The following MLH3 variants were observed in gnomAD, a reference collection of about 807,000 sequenced individuals.
The protein encoded by MLH3 is DNA mismatch repair protein Mlh3.
A neutral mutation model predicts 122.2 loss-of-function variants in MLH3; 82 were observed. The ratio of observed to expected loss-of-function variants is 0.67; its 90% CI spans 0.56 to 0.81. The LOEUF (loss-of-function observed/expected upper bound fraction) is 0.81. MLH3 is among the 30% of genes least tolerant of loss of function. The probability of loss-of-function intolerance (pLI) is 0.00; values close to 1 mark genes in which losing one functional copy is unlikely to be tolerated. For synonymous variants in MLH3, 524 were observed against 599.5 expected (o/e 0.87, Z 1.84); for missense variants, 1,539 against 1,714.5 (o/e 0.90, Z 1.81).
intron 7 of MLH3, among the ~76,000 whole-genome samples, chr14:75,032,767 TAA>T (rs1891136209): frequency 6.7e-6 from 1 of 149,722 alleles, no homozygotes; most frequent in Non-Finnish European, 1.5e-5. Context: ...GCCACAGGAG[TAA>T]AGACTTTCCT....
At chr14:75,019,036 T>C (rs1026328197) in intron 11 of MLH3, 56 bp from the exon 12 acceptor site, 1 of 1,503,630 alleles carries the variant, frequency 6.7e-7, no homozygotes, top group Admixed American at 1.7e-5. Flanking sequence ...AAACCAATGC[T>C]GACCTTGGGT....
intron 5 of MLH3, among the ~76,000 whole-genome samples, chr14:75,039,422 G>C (rs1033057541): frequency 2.0e-5 from 3 of 152,138 alleles, no homozygotes; most frequent in African/African-American, 4.8e-5. Flanking sequence ...AGGCAAAATA[G>C]AAAAGCAGAT....
intron 9 of MLH3, among the ~76,000 whole-genome samples, chr14:75,025,405 C>T (rs1024533479): frequency 6.6e-6 from 1 of 152,176 alleles, no homozygotes; most frequent in Non-Finnish European, 1.5e-5. Flanking sequence ...CCGTTATTGA[C>T]CATTCCCTCC....
intron 11 of MLH3, among the ~76,000 whole-genome samples, chr14:75,021,236 A>G (rs1208410432): frequency 3.3e-5 from 5 of 152,266 alleles, no homozygotes; most frequent in Admixed American, 1.3e-4. Flanking sequence ...TTCTGGACGT[A>G]GGCCTTGGCA....
Position 75,039,847 on chromosome 14 carries a change from AT to A in MLH3, c.3570+63del. 8.8e-4 allele frequency: 8 copies of A among 9,048 alleles called. 3 individuals carry two copies. The highest frequency in any genetic ancestry group is 1.4e-3 in the Non-Finnish European group (8 of 5,598). The allele number at this position is 9,048 out of a possible 1,614,324, so 0.6% of individuals were successfully genotyped here. A position where few individuals can be genotyped will look rare whatever the true frequency, so the allele number is the denominator to read the frequency against. Reference sequence around the variant, plus strand: ...AATCAAATTTTAGAAGAGTTAGGCCATATATATATATATATATATATATATA... The same window carrying A: ...AATCAAATTTTAGAAGAGTTAGGCCAATATATATATATATATATATATATA... On this transcript the variant is annotated intron_variant, in intron 5 of 12. Transcript: ENST00000355774.
At chr14:75,039,876 T>C (rs926901234) in intron 5 of MLH3, 35 bp downstream of exon 5, 5 of 528,426 alleles carry the variant, frequency 9.5e-6, no homozygotes, top group South Asian at 5.6e-5. Flanking sequence ...TATATATATA[T>C]ATATATTTAT....
Position 75,048,385 on chromosome 14 carries a change from C to A in MLH3, c.1271G>T (p.Ser424Ile). 6.2e-7 allele frequency: 1 copy of A among 1,611,456 alleles called. No individual in the cohort carries two copies. Among genetic ancestry groups the A allele is most frequent in the South Asian group, 1.1e-5 (1 of 90,318 alleles). ...TCTGGTAGCTTCTGAATCCCTAGAA[C>A]TCTGTGTGTTTACGTTTTCTGCAGT... ...KTTAENVNTQ[S>I]SRDSEATRKN... Residue 424 changes from serine (S) to isoleucine (I), a missense_variant, in exon 2 of 13, where the codon AGT becomes ATT. Coordinates refer to ENST00000355774, the MANE Select transcript of MLH3 (RefSeq NM_001040108.2).
intron 4 of MLH3, among the ~76,000 whole-genome samples, chr14:75,041,314 C>G (rs1295718308): frequency 1.3e-5 from 2 of 152,116 alleles, no homozygotes; most frequent in Non-Finnish European, 2.9e-5. Context: ...CTTTGGGAGG[C>G]TGAGGCGGGC....
At chr14:75,026,833 TC>T (rs1297736134) in intron 9 of MLH3, among the ~76,000 whole-genome samples, 1 of 152,130 alleles carries the variant, frequency 6.6e-6, no homozygotes, top group African/African-American at 2.4e-5. Flanking sequence ...GTGCAGTGGC[TC>T]ACACCTGTAA....
At chr14:75,035,986 C>T (rs553911822) in intron 6 of MLH3, among the ~76,000 whole-genome samples, 3 of 152,350 alleles carry the variant, frequency 2.0e-5, no homozygotes, top group Admixed American at 2.0e-4. Context: ...ACAGCTCTCA[C>T]TTGCTAAAAT....
rs370032737 is a variant in MLH3 at position 75,033,548 on chromosome 14, G to A, written c.3644-58C>T. On this transcript the variant is annotated intron_variant, in intron 6 of 12. Coordinates refer to ENST00000355774, the MANE Select transcript of MLH3 (RefSeq NM_001040108.2). ...CAGAGCAAGACGACAACCATCATGT[G>A]TGTTGAGGACAGAGAAGACTTAATT... 23 of 1,331,098 alleles carry A rather than the reference G, an allele frequency of 1.7e-5. No individual in the cohort carries two copies. The African/African-American group carries it at 2.9e-4, about 17-fold the overall frequency. 82.5% of individuals were successfully genotyped at this position (1,331,098 alleles called of 1,614,324 possible). A position where few individuals can be genotyped will look rare whatever the true frequency, so the allele number is the denominator to read the frequency against.
chr14:75,050,916 G>GC (rs1355031065), intron 1 of MLH3: 10 of 151,882 alleles, frequency 6.6e-5, no homozygotes, highest in Non-Finnish European at 1.3e-4. Flanking sequence ...ACGTGGGTGG[G>GC]CCCCTGCAGG....
chr14:75,039,368 G>T (rs1216970906), intron 5 of MLH3, among the ~76,000 whole-genome samples: 1 of 151,998 alleles, frequency 6.6e-6, no homozygotes, highest in Admixed American at 6.6e-5. Flanking sequence ...ATTTGTTTCC[G>T]TACTGAAAAC....
chr14:75,027,421 A>C (rs1339298586), intron 9 of MLH3, among the ~76,000 whole-genome samples: 1 of 151,538 alleles, frequency 6.6e-6, no homozygotes, highest in Non-Finnish European at 1.5e-5. Context: ...CACCATGCCC[A>C]GCTAATTTTT....
Position 75,033,408 on chromosome 14 carries a change from C to T in MLH3, c.3715+11G>A, listed in dbSNP as rs758595122. ...GTCTCAAATTTTTTCTGGCTGCAAA[C>T]AGATCCTTACCAATGATAAGCTGCT... On this transcript the variant is annotated intron_variant, in intron 7 of 12. Transcript: ENST00000355774. The T allele has an allele frequency of 1.9e-6, 3 of 1,613,638 alleles. No individual in the cohort carries two copies. The African/African-American group carries it at 4.0e-5, about 22-fold the overall frequency.
chr14:75,016,957 T>C lies in MLH3; in HGVS notation c.*125A>G. On this transcript the variant is annotated 3_prime_UTR_variant, in exon 13 of 13. Coordinates refer to ENST00000355774, the MANE Select transcript of MLH3 (RefSeq NM_001040108.2). ...AAGACTGATACAGAGAGCCCTGCTG[T>C]CTAAGCTGCTCAGGGACACTGGGCT... The C allele has an allele frequency of 9.1e-7, 1 of 1,095,636 alleles. No homozygotes were observed. Among genetic ancestry groups the C allele is most frequent in the South Asian group, 1.3e-5 (1 of 79,920 alleles). The allele number at this position is 1,095,636 out of a possible 1,614,324, so 67.9% of individuals were successfully genotyped here. A position where few individuals can be genotyped will look rare whatever the true frequency, so the allele number is the denominator to read the frequency against.
In MLH3 at chr14:75,041,615, C is replaced by T. The variant is rs764416958; in HGVS notation, c.3465G>A (p.Glu1155=). The T allele has an allele frequency of 6.2e-7, 1 of 1,611,690 alleles. No homozygotes were observed. The highest frequency in any genetic ancestry group is 1.1e-5 in the South Asian group (1 of 91,038). ...WDNPVFARYP[E]VAVDVSSGQA... ...CAAAGAAAAACTGCTACAGACCCAC[C>T]TCTGGATAACGGGCAAATACTGGAT... is the stretch of plus-strand genomic sequence containing the variant. Residue 1155 remains glutamate (E), a splice_region_variant and synonymous_variant, in exon 4 of 13, where the codon GAG becomes GAA. Transcript: ENST00000355774.
intron 3 of MLH3, 139 bp downstream of exon 3, chr14:75,042,240 G>A: frequency 1.3e-6 from 1 of 778,588 alleles, no homozygotes; most frequent in Non-Finnish European, 2.3e-6. Flanking sequence ...TAGTTCCGCT[G>A]TTAAACAGGG....
At chr14:75,020,453 T>C (rs908295453) in intron 11 of MLH3, among the ~76,000 whole-genome samples, 3 of 151,882 alleles carry the variant, frequency 2.0e-5, no homozygotes, top group Non-Finnish European at 4.4e-5. Flanking sequence ...GTGGCAAAAA[T>C]GAGGGAGGAG....
Sources: gnomAD v4.1 joint callset for allele counts (sites outside exome capture counted in the v4.1 genomes callset) on GRCh38, gnomAD v4.1.1 for gene constraint, MANE v1.5 for transcripts, NCBI Gene and HGNC (gene_info 2026-07-23, HGNC 2026-07-21) for gene names.